The following WIPI2 variants were observed in gnomAD, a reference collection of about 807,000 sequenced individuals.
The protein encoded by WIPI2 is WD repeat domain phosphoinositide-interacting protein 2.
Under a neutral mutation model 52.3 loss-of-function variants are expected in WIPI2, and 28 were observed. The observed-to-expected ratio is 0.54, with a 90% CI of 0.40 to 0.73. The LOEUF (loss-of-function observed/expected upper bound fraction) is 0.73. Among genes scored for constraint, WIPI2 ranks in the 30% least tolerant of loss-of-function variants. The pLI, the probability that WIPI2 is intolerant of heterozygous loss-of-function variation, is 0.00. For missense variants in WIPI2, 506 were observed against 602.9 expected (o/e 0.84, Z 1.68); for synonymous variants, 268 against 245.0 (o/e 1.09, Z -0.88).
In WIPI2 at chr7:5,225,918, C is replaced by T; in HGVS notation, c.836C>T (p.Thr279Ile). 1.2e-6 allele frequency: 2 copies of T among 1,613,644 alleles called. No individual in the cohort carries two copies. Among genetic ancestry groups the T allele is most frequent in the Non-Finnish European group, 8.5e-7 (1 of 1,179,832 alleles). The change falls in exon 9 of 13, where the codon ACT (threonine) becomes ATT (isoleucine). Residue 279 changes from threonine (T) to isoleucine (I), a missense_variant. By Grantham distance (89) the Thr-to-Ile change is moderately conservative. Around this residue, in one of 4 missense-constraint regions of WIPI2, gnomAD observed 237 missense variants for 346.9 expected, o/e 0.68. Coordinates refer to ENST00000288828, the MANE Select transcript of WIPI2 (RefSeq NM_015610.4). ...ACCGTGCACATCTTCAAACTCGAGA[C>T]TGTGAAAGAAAAGTGAGTTGCAAAT... ...TETVHIFKLETVKEKPPEEPT... is the reference protein window; with the variant it reads ...TETVHIFKLEIVKEKPPEEPT...
At chr7:5,204,678 CACT>C (rs371011828) in intron 3 of WIPI2, among the ~76,000 whole-genome samples, 57 of 151,744 alleles carry the variant, frequency 3.8e-4, no homozygotes, top group African/African-American at 1.4e-3. Context: ...TGGCTGTTAC[CACT>C]ACTACTACTA....
chr7:5,223,631 G>A (rs182599552), intron 8 of WIPI2, among the ~76,000 whole-genome samples: 1 of 152,132 alleles, frequency 6.6e-6, no homozygotes, highest in African/African-American at 2.4e-5. Flanking sequence ...CCTCACCCCC[G>A]TGGCCTGTGT....
intron 1 of WIPI2, among the ~76,000 whole-genome samples, chr7:5,191,500 C>T (rs1781483979): frequency 6.6e-6 from 1 of 152,154 alleles, no homozygotes; most frequent in South Asian, 2.1e-4. Flanking sequence ...AAGAGAAGGC[C>T]TTAATGCCAG....
At chr7:5,214,375 C>T (rs1018734600) in intron 3 of WIPI2, 160 bp from the exon 4 acceptor site, 11 of 1,600,320 alleles carry the variant, frequency 6.9e-6, no homozygotes, top group Non-Finnish European at 9.3e-6. Flanking sequence ...ACCCTCAGAC[C>T]CCCGGGCTGT....
At chr7:5,199,081 A>G (rs987087061) in intron 2 of WIPI2, among the ~76,000 whole-genome samples, 12 of 152,152 alleles carry the variant, frequency 7.9e-5, no homozygotes, top group Non-Finnish European at 1.5e-4. Context: ...GTGCAGTAGC[A>G]GGATCAATCT....
chr7:5,195,828 C>T (rs940826313), intron 2 of WIPI2, among the ~76,000 whole-genome samples: 1 of 151,712 alleles, frequency 6.6e-6, no homozygotes, highest in Non-Finnish European at 1.5e-5. Context: ...ATCACCAGGT[C>T]AGGAGTTCGA....
intron 2 of WIPI2, among the ~76,000 whole-genome samples, chr7:5,194,314 A>G (rs1319752595): frequency 1.3e-5 from 2 of 152,190 alleles, no homozygotes; most frequent in African/African-American, 4.8e-5. Context: ...CTTTTGGTTT[A>G]CAGTGTCGGG....
chr7:5,228,255 G>T (rs771361196), intron 11 of WIPI2, 44 bp downstream of exon 11: 3 of 1,542,068 alleles, frequency 1.9e-6, no homozygotes, highest in Non-Finnish European at 2.6e-6. Context: ...CCGTGCTGGC[G>T]GGGGGCTTTC....
chr7:5,214,676 C>T lies in WIPI2; in HGVS notation c.353C>T (p.Thr118Met), dbSNP rs766186638. ...TEICNYSYSNTILAVKLNRQR... is the reference protein window; with the variant it reads ...TEICNYSYSNMILAVKLNRQR... ...ATCTGCAACTACAGCTACTCCAACA[C>T]GATTCTGGCTGTGAAGCTCAACAGG... The change falls in exon 4 of 13, where the codon ACG becomes ATG. Residue 118 changes from threonine to methionine, a missense_variant. Thr to Met is a moderately conservative substitution (Grantham distance 81, BLOSUM62 -1). Transcript: ENST00000288828. 4 of 1,614,234 alleles carry T rather than the reference C, an allele frequency of 2.5e-6. No individual in the cohort carries two copies. Among genetic ancestry groups the T allele is most frequent in the Non-Finnish European group, 3.4e-6 (4 of 1,180,044 alleles).
At position 5,198,318 on chromosome 7, in the gene WIPI2, CT is replaced by C. The variant is rs35887906; in HGVS notation, c.129-1244del. 5.9e-3 allele frequency among the ~76,000 whole-genome samples: 847 copies of C among 144,542 alleles called. 11 individuals carry two copies. The highest frequency in any genetic ancestry group is 6.4e-3 in the East Asian group (32 of 4,990). 94.8% of individuals were successfully genotyped at this position (144,542 alleles called of 152,430 possible). On this transcript the variant is annotated intron_variant, in intron 2 of 12. Coordinates refer to ENST00000288828, the MANE Select transcript of WIPI2 (RefSeq NM_015610.4). ...AAATTTAGAAAATTCACTTACTTAACTTTTTTTTTTTTTTGGTTGGAGTCTC... is the reference window on the plus strand; with the variant it reads ...AAATTTAGAAAATTCACTTACTTAACTTTTTTTTTTTTTGGTTGGAGTCTC...
At chr7:5,200,964 A>T (rs898950675) in intron 3 of WIPI2, among the ~76,000 whole-genome samples, 1 of 152,052 alleles carries the variant, frequency 6.6e-6, no homozygotes, top group Non-Finnish European at 1.5e-5. Flanking sequence ...TTGTCCTTAG[A>T]CTTGCCTGCT....
At chr7:5,199,795 C>T (rs147298004) in intron 3 of WIPI2, 137 bp downstream of exon 3, 3 of 871,788 alleles carry the variant, frequency 3.4e-6, no homozygotes, top group Middle Eastern at 3.6e-4. Flanking sequence ...CCACCTTCAT[C>T]TCCCCAAGAG....
At chr7:5,211,022 C>A (rs749361254) in intron 3 of WIPI2, among the ~76,000 whole-genome samples, 2 of 152,190 alleles carry the variant, frequency 1.3e-5, no homozygotes, top group Non-Finnish European at 2.9e-5. Context: ...CCAGGGCCAA[C>A]AGTGAAATCA....
At position 5,233,529 on chromosome 7, in the gene WIPI2, T is replaced by C. The variant is rs993304403; in HGVS notation, c.*2582T>C. ...GATAGGAAACAAAACCTGTAAACGTTGTGAATGGGCTCAGTGGACTCTGGG... is the reference window on the plus strand; with the variant it reads ...GATAGGAAACAAAACCTGTAAACGTCGTGAATGGGCTCAGTGGACTCTGGG... On this transcript the variant is annotated 3_prime_UTR_variant, in exon 13 of 13. Coordinates refer to ENST00000288828, the MANE Select transcript of WIPI2 (RefSeq NM_015610.4). 1 of 152,608 alleles carries C rather than the reference T, an allele frequency of 6.6e-6. No individual in the cohort carries two copies. Among genetic ancestry groups the C allele is most frequent in the Non-Finnish European group, 1.5e-5 (1 of 68,046 alleles). The allele number at this position is 152,608 out of a possible 1,614,324, so 9.5% of individuals were successfully genotyped here.
Position 5,230,995 on chromosome 7 carries a change from C to G in WIPI2, c.*48C>G. 5.2e-6 allele frequency: 8 copies of G among 1,534,648 alleles called. No homozygotes were observed. The highest frequency in any genetic ancestry group is 7.1e-6 in the Non-Finnish European group (8 of 1,124,878). The stretch of plus-strand genomic sequence containing the variant: ...CGGGGAGCAGAGAACACTGGCTTCA[C>G]AGAGGACTTTGTGCATTGCTGCTAT... On this transcript the variant is annotated 3_prime_UTR_variant, in exon 13 of 13. Coordinates refer to ENST00000288828, the MANE Select transcript of WIPI2 (RefSeq NM_015610.4). This position sits in a 1 kb window ranked among gnomAD's most constrained non-coding sequence, Gnocchi z 4.8.
At chr7:5,216,203 G>C (rs943694280) in intron 4 of WIPI2, 1 of 154,228 alleles carries the variant, frequency 6.5e-6, no homozygotes, top group African/African-American at 2.6e-5. Flanking sequence ...GCCAACGCAG[G>C]GGTGGATCAC....
At chr7:5,216,464 A>G in intron 4 of WIPI2, 99 bp from the exon 5 acceptor site, 1 of 907,296 alleles carries the variant, frequency 1.1e-6, no homozygotes, top group Middle Eastern at 2.2e-4. Context: ...AATAGAAGGA[A>G]TGAGAGCGTC....
intron 1 of WIPI2, 96 bp downstream of exon 1, chr7:5,190,589 C>T (rs1781428125): frequency 8.2e-7 from 1 of 1,223,226 alleles, no homozygotes; most frequent in South Asian, 2.4e-5. Flanking sequence ...GCGTCGCAGG[C>T]TCGGCCTCCC....
At chr7:5,200,042 C>T (rs371805290) in intron 3 of WIPI2, among the ~76,000 whole-genome samples, 1 of 152,144 alleles carries the variant, frequency 6.6e-6, no homozygotes, top group South Asian at 2.1e-4. Flanking sequence ...TTTATTTTCC[C>T]GCGTTGGCAT....
Sources: gnomAD v4.1 joint callset for allele counts (sites outside exome capture counted in the v4.1 genomes callset) on GRCh38, gnomAD v4.1.1 for gene constraint, gnomAD v4.1.1 regional missense constraint, Gnocchi (gnomAD v3.1) non-coding constraint, MANE v1.5 for transcripts, NCBI Gene and HGNC (gene_info 2026-07-23, HGNC 2026-07-21) for gene names.